HLTF: variants seen among roughly 807,000 people sequenced by gnomAD.
The protein encoded by HLTF is helicase like transcription factor, also known as DNA-dependent ATPase/E3 ubiquitin-protein ligase HLTF.
In HLTF, 127 loss-of-function variants were observed where a neutral mutation model predicts 129.4. The ratio of observed to expected loss-of-function variants is 0.98; its 90% CI spans 0.85 to 1.14. The LOEUF (loss-of-function observed/expected upper bound fraction) is 1.14, where lower values mean the gene tolerates loss of function less well. Ranked by LOEUF, HLTF falls within the 50% of genes most tolerant of loss-of-function variation. The pLI, the probability that HLTF is intolerant of heterozygous loss-of-function variation, is 0.00. For synonymous variants in HLTF, 332 were observed against 388.8 expected (o/e 0.85, Z 1.72); for missense variants, 1,139 against 1,187.1 (o/e 0.96, Z 0.60).
chr3:149,041,611 A>C lies in HLTF; in HGVS notation c.2255T>G (p.Leu752Arg). The change falls in exon 20 of 25, where the codon CTG becomes CGG. Residue 752 changes from leucine (L) to arginine (R), a missense_variant. Transcript: ENST00000310053. ...ACATTCCTCATCTGAACCTGAGCTC[A>C]GAATTAACTTCATCTTCCTTATTAA... Reference protein sequence around the residue: ...KKLIRKMKLILSSGSDEECAI... With the variant: ...KKLIRKMKLIRSSGSDEECAI... 6.2e-7 allele frequency: 1 copy of C among 1,612,632 alleles called. No homozygotes were observed. The highest frequency in any genetic ancestry group is 2.2e-5 in the East Asian group (1 of 44,806).
At chr3:149,070,922 G>T (rs1718792528) in intron 7 of HLTF, among the ~76,000 whole-genome samples, 1 of 152,064 alleles carries the variant, frequency 6.6e-6, no homozygotes. Flanking sequence ...GCACATGCCT[G>T]TAATCCCAGC....
intron 13 of HLTF, 114 bp downstream of exon 13, chr3:149,059,602 AAT>A (rs1483020585): frequency 1.1e-5 from 7 of 645,850 alleles, no homozygotes; most frequent in African/African-American, 7.4e-5. Context: ...TACTTTAAAA[AAT>A]AGTCTCTATT....
Position 149,055,356 on chromosome 3 carries a change from TCTC to T in HLTF, c.1417_1419del (p.Glu473del), listed in dbSNP as rs1278620138. On this transcript the variant is annotated inframe_deletion, in exon 14 of 25. Transcript: ENST00000310053. ...CAGATGATCAGTGTTGTTCTTGGTC[TCTC>T]CTCAACATCAGTTTTCTTTGACCCC... The T allele has an allele frequency of 6.2e-7, 1 of 1,614,020 alleles. No individual in the cohort carries two copies. Among genetic ancestry groups the T allele is most frequent in the Admixed American group, 1.7e-5 (1 of 60,010 alleles).
intron 9 of HLTF, among the ~76,000 whole-genome samples, chr3:149,064,074 T>C (rs2108025759): frequency 6.6e-6 from 1 of 152,302 alleles, no homozygotes; most frequent in East Asian, 1.9e-4. Context: ...TCAATTTTCC[T>C]ATCTTTTAAT....
chr3:149,043,661 A>C (rs2107972544), intron 18 of HLTF, among the ~76,000 whole-genome samples: 1 of 152,222 alleles, frequency 6.6e-6, no homozygotes, highest in African/African-American at 2.4e-5. Context: ...AAAATTATAT[A>C]ACCAGGCCAT....
Position 149,059,748 on chromosome 3 carries a change from G to T in HLTF, c.1345C>A (p.Pro449Thr). The T allele has an allele frequency of 6.3e-7, 1 of 1,599,240 alleles. No homozygotes were observed. The highest frequency in any genetic ancestry group is 1.3e-5 in the African/African-American group (1 of 74,226). ...AFACALTSSV[P>T]TTKKKMLKKG... ...TTCAACATTTTCTTTTTTGTTGTAG[G>T]AACAGATGAAGTTAATGCACATGCA... Residue 449 changes from proline to threonine, a missense_variant, in exon 13 of 25, where the codon CCT becomes ACT. Transcript: ENST00000310053.
At position 149,032,968 on chromosome 3, in the gene HLTF, A is replaced by C. The variant is rs1357755950; in HGVS notation, c.2878-596T>G. ...ACAGAGCGACGTCTCAAAAAAAAAA[A>C]AAAAAAAAACAAAAAACTATTCCCA... On this transcript the variant is annotated intron_variant, in intron 24 of 24. Transcript: ENST00000310053. Among the ~76,000 whole-genome samples the C allele has an allele frequency of 7.8e-5, 11 of 141,436 alleles. No homozygotes were observed. The East Asian group carries it at 1.8e-3, about 23-fold the overall frequency. The allele number at this position is 141,436 out of a possible 152,430, so 92.8% of individuals were successfully genotyped here.
At chr3:149,036,946 T>A (rs1205318714) in intron 23 of HLTF, among the ~76,000 whole-genome samples, 2 of 152,166 alleles carry the variant, frequency 1.3e-5, no homozygotes, top group African/African-American at 4.8e-5. Flanking sequence ...TGTTAACACG[T>A]TTAGTCTCTG....
chr3:149,038,541 C>T (rs1483529408), intron 23 of HLTF, among the ~76,000 whole-genome samples: 1 of 151,910 alleles, frequency 6.6e-6, no homozygotes, highest in Non-Finnish European at 1.5e-5. Context: ...CTTGCTCTGT[C>T]ACCCAGGCTG....
Position 149,046,257 on chromosome 3 carries a change from C to T in HLTF, c.1895G>A (p.Arg632His), listed in dbSNP as rs201978472. 1.3e-4 allele frequency: 193 copies of T among 1,485,080 alleles called. No homozygotes were observed. The East Asian group carries it at 3.7e-3, about 28-fold the overall frequency. 92.0% of individuals were successfully genotyped at this position (1,485,080 alleles called of 1,614,324 possible). ...VTMGDEGGLRRLQSLIKNITL... is the reference protein window; with the variant it reads ...VTMGDEGGLRHLQSLIKNITL... ...AATATTTTTAATTAGGGACTGTAAA[C>T]GCCTAATCAGAATAAAACAAATAAT... Residue 632 changes from arginine to histidine, a missense_variant and splice_region_variant, in exon 18 of 25, where the codon CGT becomes CAT. Transcript: ENST00000310053.
rs1559881760 is a variant in HLTF at position 149,076,065 on chromosome 3, CAG to C, written c.229-20_229-19del. 2 of 963,386 alleles carry C rather than the reference CAG, an allele frequency of 2.1e-6. No homozygotes were observed. Among genetic ancestry groups the C allele is most frequent in the Non-Finnish European group, 1.6e-6 (1 of 642,022 alleles). 59.7% of individuals were successfully genotyped at this position (963,386 alleles called of 1,614,324 possible). A position where few individuals can be genotyped will look rare whatever the true frequency, so the allele number is the denominator to read the frequency against. On this transcript the variant is annotated intron_variant, in intron 2 of 24. Coordinates refer to ENST00000310053, the MANE Select transcript of HLTF (RefSeq NM_003071.4). ...TTATTAACCTAATAAAAATGATAAACAGATAATATTACATTATAAATAATAGA... is the reference window on the plus strand; with the variant it reads ...TTATTAACCTAATAAAAATGATAAACATAATATTACATTATAAATAATAGA...
chr3:149,047,547 C>T (rs1716646948), intron 17 of HLTF, among the ~76,000 whole-genome samples: 1 of 152,174 alleles, frequency 6.6e-6, no homozygotes, highest in Non-Finnish European at 1.5e-5. Context: ...GAGGCTGAGA[C>T]AGGAGAATCG....
intron 4 of HLTF, among the ~76,000 whole-genome samples, chr3:149,073,778 T>C (rs1233102411): frequency 6.6e-6 from 1 of 152,226 alleles, no homozygotes; most frequent in African/African-American, 2.4e-5. Flanking sequence ...TTTTAAAAGC[T>C]AAATACTAAA....
At position 149,071,614 on chromosome 3, in the gene HLTF, T is replaced by C. The variant is rs766778303; in HGVS notation, c.671A>G (p.Asp224Gly). Residue 224 changes from aspartate (D) to glycine (G), a missense_variant, in exon 6 of 25, where the codon GAT (aspartate) becomes GGT (glycine). Coordinates refer to ENST00000310053, the MANE Select transcript of HLTF (RefSeq NM_003071.4). Reference sequence around the variant, plus strand: ...TGGTTCCATTTCATGGGTTTTATCATCTTCTTTTAAATCTTCAAACAATTT... The same window carrying C: ...TGGTTCCATTTCATGGGTTTTATCACCTTCTTTTAAATCTTCAAACAATTT... ...FDKLFEDLKE[D>G]DKTHEMEPAE... 9 of 1,597,936 alleles carry C rather than the reference T, an allele frequency of 5.6e-6. No individual in the cohort carries two copies. Among genetic ancestry groups the C allele is most frequent in the East Asian group, 4.5e-5 (2 of 44,724 alleles).
chr3:149,036,884 A>G (rs1228443664), intron 23 of HLTF, among the ~76,000 whole-genome samples: 1 of 152,250 alleles, frequency 6.6e-6, no homozygotes, highest in Non-Finnish European at 1.5e-5. Flanking sequence ...TTCAATGAAG[A>G]ACACTCAACT....
intron 1 of HLTF, among the ~76,000 whole-genome samples, 187 bp downstream of exon 1, chr3:149,086,130 T>C (rs562173006): frequency 6.6e-6 from 1 of 152,232 alleles, no homozygotes; most frequent in South Asian, 2.1e-4. Context: ...GGACTCGCCC[T>C]AGGAGCCCCT....
At position 149,077,247 on chromosome 3, in the gene HLTF, AAAATAAATAAATAAAT is replaced by A. The variant is rs201554369; in HGVS notation, c.229-1216_229-1201del. ...TGGTGACAGAGCGAGACTTCATCTC[AAAATAAATAAATAAAT>A]AAATAAATAAATAAATAAATAAATA... On this transcript the variant is annotated intron_variant, in intron 2 of 24. Coordinates refer to ENST00000310053, the MANE Select transcript of HLTF (RefSeq NM_003071.4). Among the ~76,000 whole-genome samples, 150 of 144,150 alleles carry A rather than the reference AAAATAAATAAATAAAT, an allele frequency of 1.0e-3. 2 individuals carry two copies. Among genetic ancestry groups the A allele is most frequent in the Admixed American group, 5.5e-3 (79 of 14,454 alleles). 94.6% of individuals were successfully genotyped at this position (144,150 alleles called of 152,430 possible).
At chr3:149,049,891 C>G (rs990850300) in intron 15 of HLTF, among the ~76,000 whole-genome samples, 51 of 151,772 alleles carry the variant, frequency 3.4e-4, no homozygotes, top group African/African-American at 1.1e-3. Context: ...ACTTGGGAGG[C>G]TGAGGCAGGA....
At chr3:149,079,856 G>A (rs980453431) in intron 2 of HLTF, among the ~76,000 whole-genome samples, 2 of 152,176 alleles carry the variant, frequency 1.3e-5, no homozygotes, top group Non-Finnish European at 2.9e-5. Flanking sequence ...CTCCCAAAGC[G>A]CTGGGATTAC....
Sources: gnomAD v4.1 joint callset for allele counts (sites outside exome capture counted in the v4.1 genomes callset) on GRCh38, gnomAD v4.1.1 for gene constraint, MANE v1.5 for transcripts, NCBI Gene and HGNC (gene_info 2026-07-23, HGNC 2026-07-21) for gene names.